The following RPS6KA5 variants were observed in gnomAD, a reference collection of about 807,000 sequenced individuals.
The protein encoded by RPS6KA5 is ribosomal protein S6 kinase A5.
Under a neutral mutation model 85.5 loss-of-function variants are expected in RPS6KA5, and 27 were observed. The ratio of observed to expected loss-of-function variants is 0.32; its 90% CI spans 0.23 to 0.44. RPS6KA5 has a LOEUF of 0.44. RPS6KA5 is among the 20% of genes least tolerant of loss of function. RPS6KA5 has a pLI of 1.00. For synonymous variants in RPS6KA5, 334 were observed against 348.2 expected (o/e 0.96, Z 0.46); for missense variants, 811 against 980.9 (o/e 0.83, Z 2.31).
intron 4 of RPS6KA5, among the ~76,000 whole-genome samples, chr14:90,947,078 C>T (rs2037910642): frequency 6.6e-6 from 1 of 152,138 alleles, no homozygotes; most frequent in Non-Finnish European, 1.5e-5. Flanking sequence ...GTCTGCAATG[C>T]AGTAAATTAC....
At chr14:91,052,793 CACTGTACTCCA>C in intron 1 of RPS6KA5, among the ~76,000 whole-genome samples, 1 of 146,736 alleles carries the variant, frequency 6.8e-6, no homozygotes, top group South Asian at 2.1e-4. Flanking sequence ...GAGTTCGCGT[CACTGTACTCCA>C]GCCTGGGAAC....
intron 16 of RPS6KA5, among the ~76,000 whole-genome samples, chr14:90,872,561 A>G (rs2033191038): frequency 6.6e-6 from 1 of 152,184 alleles, no homozygotes; most frequent in African/African-American, 2.4e-5. Flanking sequence ...GAGAGTCACA[A>G]TTCTAATAAA....
intron 3 of RPS6KA5, among the ~76,000 whole-genome samples, chr14:90,948,965 A>T (rs1460345033): frequency 6.6e-6 from 1 of 152,256 alleles, no homozygotes; most frequent in Non-Finnish European, 1.5e-5. Context: ...AAAAGCAGAT[A>T]CAACAGAATT....
At chr14:90,963,861 G>A (rs769482056) in intron 3 of RPS6KA5, among the ~76,000 whole-genome samples, 14 of 152,172 alleles carry the variant, frequency 9.2e-5, no homozygotes, top group South Asian at 2.1e-4. Context: ...TGTTCACCGA[G>A]GAGTAGATTA....
chr14:90,916,867 T>C (rs2036144956), intron 7 of RPS6KA5, among the ~76,000 whole-genome samples: 1 of 152,212 alleles, frequency 6.6e-6, no homozygotes, highest in Non-Finnish European at 1.5e-5. Flanking sequence ...TGCCAATTGA[T>C]TGATATAAAG....
At chr14:90,909,689 A>T (rs958326864) in intron 7 of RPS6KA5, among the ~76,000 whole-genome samples, 1 of 152,248 alleles carries the variant, frequency 6.6e-6, no homozygotes, top group Non-Finnish European at 1.5e-5. Flanking sequence ...TCATGAAATG[A>T]AATTGTTAAA....
At position 91,001,101 on chromosome 14, in the gene RPS6KA5, G is replaced by T. The variant is rs1230384018; in HGVS notation, c.162C>A (p.Val54=). Residue 54 remains valine, a synonymous_variant, in exon 2 of 17, where the codon GTC becomes GTA. Transcript: ENST00000614987. ...CTTAAGACTTACCTCCAGTTCCTAGGACCTTCAGGAGCTCAAAATTTTCTA... is the reference window on the plus strand; with the variant it reads ...CTTAAGACTTACCTCCAGTTCCTAGTACCTTCAGGAGCTCAAAATTTTCTA... ...VGIENFELLK[V]LGTGAYGKVF... is the part of the protein sequence containing the mutation. 6.3e-7 allele frequency: 1 copy of T among 1,585,698 alleles called. No homozygotes were observed. The highest frequency in any genetic ancestry group is 8.6e-7 in the Non-Finnish European group (1 of 1,162,802).
At position 90,869,880 on chromosome 14, in the gene RPS6KA5, T is replaced by G. The variant is rs1219606630; in HGVS notation, c.*2194A>C. The G allele has an allele frequency of 6.6e-6, 1 of 152,230 alleles. No individual in the cohort carries two copies. The allele number at this position is 152,230 out of a possible 1,614,324, so 9.4% of individuals were successfully genotyped here. On this transcript the variant is annotated 3_prime_UTR_variant, in exon 17 of 17. Coordinates refer to ENST00000614987, the MANE Select transcript of RPS6KA5 (RefSeq NM_004755.4). ...TGTTAAGGTCTTTTCAAAAGCCCATTTGAGATTATTCAGGCAGGCTCATCA... is the reference window on the plus strand; with the variant it reads ...TGTTAAGGTCTTTTCAAAAGCCCATGTGAGATTATTCAGGCAGGCTCATCA...
intron 6 of RPS6KA5, 122 bp downstream of exon 6, chr14:90,922,987 AAAGG>A (rs2036480662): frequency 1.5e-6 from 1 of 651,690 alleles, no homozygotes; most frequent in Admixed American, 2.8e-5. Flanking sequence ...AAAGAGAAAA[AAAGG>A]AAGGTAAGAC....
In RPS6KA5 at chr14:90,852,566, C is replaced by G. The variant is rs184102724; in HGVS notation, c.*19508G>C. 6.6e-6 allele frequency: 1 copy of G among 152,018 alleles called. No homozygotes were observed. The highest frequency in any genetic ancestry group is 2.4e-5 in the African/African-American group (1 of 41,370). The allele number at this position is 152,018 out of a possible 1,614,324, so 9.4% of individuals were successfully genotyped here. ...GGAAAAACAGCATCTGATATGTGCA[C>G]CCTATTGTAAAGAATTGGTATTTAA... is the stretch of plus-strand genomic sequence containing the variant. On this transcript the variant is annotated 3_prime_UTR_variant, in exon 17 of 17. Transcript: ENST00000614987.
At chr14:90,980,718 G>A (rs1438049461) in intron 2 of RPS6KA5, among the ~76,000 whole-genome samples, 1 of 152,220 alleles carries the variant, frequency 6.6e-6, no homozygotes, top group Non-Finnish European at 1.5e-5. Context: ...TCACTTAAGT[G>A]AATGACCTCA....
chr14:91,028,411 C>G (rs973434809), intron 1 of RPS6KA5, among the ~76,000 whole-genome samples: 38 of 152,070 alleles, frequency 2.5e-4, no homozygotes, highest in African/African-American at 8.2e-4. Flanking sequence ...GAGGCAAGGT[C>G]TTCCTACGTT....
chr14:90,998,352 G>A (rs1247547251), intron 2 of RPS6KA5, among the ~76,000 whole-genome samples: 2 of 152,098 alleles, frequency 1.3e-5, no homozygotes, highest in African/African-American at 2.4e-5. Flanking sequence ...TTAAATGATG[G>A]AACAATATGG....
At chr14:91,032,108 G>C (rs888448159) in intron 1 of RPS6KA5, among the ~76,000 whole-genome samples, 2 of 152,146 alleles carry the variant, frequency 1.3e-5, no homozygotes, top group Admixed American at 6.5e-5. Context: ...CTCAATATCT[G>C]ATTTCATAGC....
chr14:91,055,654 G>A (rs1002355156), intron 1 of RPS6KA5, among the ~76,000 whole-genome samples: 9 of 152,086 alleles, frequency 5.9e-5, no homozygotes, highest in African/African-American at 1.2e-4. Flanking sequence ...GTGCATGCCC[G>A]TAGTCCCAGA....
chr14:90,872,752 T>C (rs773808319), intron 16 of RPS6KA5, among the ~76,000 whole-genome samples: 1 of 152,164 alleles, frequency 6.6e-6, no homozygotes, highest in Non-Finnish European at 1.5e-5. Flanking sequence ...TGCTCTTCAG[T>C]CCCATTCAAT....
At chr14:91,015,931 T>G (rs554045066) in intron 1 of RPS6KA5, among the ~76,000 whole-genome samples, 29 of 152,216 alleles carry the variant, frequency 1.9e-4, no homozygotes, top group Non-Finnish European at 8.8e-5. Flanking sequence ...AGCTTTCCTT[T>G]CTTACCTCAT....
In RPS6KA5 at chr14:90,968,363, C is replaced by G. The variant is rs904579368; in HGVS notation, c.394+9943G>C. On this transcript the variant is annotated intron_variant, in intron 3 of 16. Coordinates refer to ENST00000614987, the MANE Select transcript of RPS6KA5 (RefSeq NM_004755.4). ...TACATTGGCCCCACACCAGATAATT[C>G]AGAATAATCTCTCAATTTTAGAGTC... Among the ~76,000 whole-genome samples, 89 of 152,216 alleles carry G rather than the reference C, an allele frequency of 5.8e-4. No homozygotes were observed. The Middle Eastern group carries it at 0.01, about 17-fold the overall frequency.
intron 3 of RPS6KA5, among the ~76,000 whole-genome samples, chr14:90,974,216 T>C (rs1230710052): frequency 6.6e-6 from 1 of 152,070 alleles, no homozygotes; most frequent in Non-Finnish European, 1.5e-5. Flanking sequence ...TAACATGAAA[T>C]ACATAACATC....
Sources: gnomAD v4.1 joint callset for allele counts (sites outside exome capture counted in the v4.1 genomes callset) on GRCh38, gnomAD v4.1.1 for gene constraint, MANE v1.5 for transcripts, NCBI Gene and HGNC (gene_info 2026-07-23, HGNC 2026-07-21) for gene names.